Variants in PDE4A observed in about 807,000 individuals in gnomAD.
The protein encoded by PDE4A is phosphodiesterase 4A.
Under a neutral mutation model 73.9 loss-of-function variants are expected in PDE4A, and 21 were observed. The ratio of observed to expected loss-of-function variants is 0.28; its 90% confidence interval spans 0.20 to 0.41. PDE4A has a LOEUF of 0.41. Ranked by LOEUF, PDE4A falls within the 10% of genes least tolerant of loss-of-function variation. The pLI is 1.00. For missense variants in PDE4A, 958 were observed against 1,211.4 expected (o/e 0.79, Z 3.10); for synonymous variants, 463 against 505.4 (o/e 0.92, Z 1.13).
chr19:10,421,119 A>C (rs2042645728), intron 1 of PDE4A, 35 bp downstream of exon 1: 1 of 1,350,106 alleles, frequency 7.4e-7, no homozygotes, highest in South Asian at 1.8e-5. Flanking sequence ...CGCGGAACGG[A>C]TGGGCGCGCA....
rs1161298766 is a variant in PDE4A at position 10,446,415 on chromosome 19, C to A, written c.512+6C>A. 6.2e-7 allele frequency: 1 copy of A among 1,601,640 alleles called. No individual in the cohort carries two copies. The highest frequency in any genetic ancestry group is 1.3e-5 in the African/African-American group (1 of 74,678). ...TCATCGGTCACCAGCGAGGCGTGAG[C>A]ATCCTTCTCCCCACATGCCAGTTCC... is the stretch of plus-strand genomic sequence containing the variant. On this transcript the variant is annotated splice_donor_region_variant and intron_variant, in intron 2 of 14. Transcript: ENST00000380702.
chr19:10,431,020 T>A, intron 1 of PDE4A: 1 of 1,578,348 alleles, frequency 6.3e-7, no homozygotes, highest in South Asian at 1.1e-5. Context: ...TCCCCAACTT[T>A]CCGCAGACGC....
chr19:10,467,614 C>T lies in PDE4A; in HGVS notation c.2654C>T (p.Pro885Leu), dbSNP rs2043402418. 1 of 1,557,920 alleles carries T rather than the reference C, an allele frequency of 6.4e-7. No homozygotes were observed. Among genetic ancestry groups the T allele is most frequent in the Non-Finnish European group, 8.7e-7 (1 of 1,150,104 alleles). Reference protein sequence around the residue: ...APGGGGSGGDPT With the variant: ...APGGGGSGGDLT Reference sequence around the variant, plus strand: ...GGTGGCGGGGGGTCAGGTGGAGACCCTACCTGATCCCCAGACCTCTGTCCC... The same window carrying T: ...GGTGGCGGGGGGTCAGGTGGAGACCTTACCTGATCCCCAGACCTCTGTCCC... The change falls in exon 15 of 15, where the codon CCT (proline) becomes CTT (leucine). Residue 885 changes from proline (P) to leucine (L), a missense_variant. Coordinates refer to ENST00000380702, the MANE Select transcript of PDE4A (RefSeq NM_001111307.2).
rs1246402138 is a variant in PDE4A, at chr19:10,453,827, G to C, written c.784-1002G>C. On this transcript the variant is annotated intron_variant, in intron 6 of 14. Coordinates refer to ENST00000380702, the MANE Select transcript of PDE4A (RefSeq NM_001111307.2). This position sits in a 1 kb window ranked among gnomAD's most constrained non-coding sequence, Gnocchi z 4.6. ...CCTGTGATTGTGTGTGTGGTTGTGT[G>C]AGATTTTGTGGGTCCATCTTGTGTG... 6.6e-6 allele frequency among the ~76,000 whole-genome samples: 1 copy of C among 152,084 alleles called. No homozygotes were observed. Among genetic ancestry groups the C allele is most frequent in the Non-Finnish European group, 1.5e-5 (1 of 68,020 alleles).
chr19:10,420,822 C>T lies in PDE4A; in HGVS notation c.58C>T (p.Arg20Trp), dbSNP rs371454337. ...CCTGTCTCTGTCACTGCCCGGGCCC[C>T]GGGAGGGCCAGGCCACCCTGAAGCC... ...RSLSLSLPGP[R>W]EGQATLKPPP... The change falls in exon 1 of 15, where the codon CGG (arginine) becomes TGG (tryptophan). Residue 20 changes from arginine (R) to tryptophan (W), a missense_variant. Transcript: ENST00000380702. This position sits in a 1 kb window ranked among gnomAD's most constrained non-coding sequence, Gnocchi z 6.0. 1.9e-6 allele frequency: 3 copies of T among 1,587,546 alleles called. No individual in the cohort carries two copies. The highest frequency in any genetic ancestry group is 1.4e-5 in the African/African-American group (1 of 73,026).
upstream of PDE4A, chr19:10,417,664 C>T (rs747237049): frequency 3.8e-6 from 6 of 1,593,016 alleles, no homozygotes; most frequent in Admixed American, 8.4e-5. Flanking sequence ...CCCCAGAGGT[C>T]GAGGGAGACC....
chr19:10,420,615 C>T lies in PDE4A; in HGVS notation c.-150C>T. 7.7e-7 allele frequency: 1 copy of T among 1,303,408 alleles called. No individual in the cohort carries two copies. The highest frequency in any genetic ancestry group is 9.7e-7 in the Non-Finnish European group (1 of 1,031,180). The allele number at this position is 1,303,408 out of a possible 1,614,324, so 80.7% of individuals were successfully genotyped here. On this transcript the variant is annotated 5_prime_UTR_variant, in exon 1 of 15. Coordinates refer to ENST00000380702, the MANE Select transcript of PDE4A (RefSeq NM_001111307.2). This position sits in a 1 kb window ranked among gnomAD's most constrained non-coding sequence, Gnocchi z 6.0. ...GCCCGGCCCGGGGGCGATTGGCCCG[C>T]AGCGCCCCCGGGTCTGTCCCCGGGG...
At chr19:10,440,637 C>T (rs981967840) in intron 1 of PDE4A, among the ~76,000 whole-genome samples, 2 of 152,034 alleles carry the variant, frequency 1.3e-5, no homozygotes, top group Non-Finnish European at 2.9e-5. Flanking sequence ...CTCGCTCTGT[C>T]ATCCAGGCTG....
At position 10,463,729 on chromosome 19, in the gene PDE4A, G is replaced by A. The variant is rs2043315396; in HGVS notation, c.1744-64G>A. ...ATTTCTTAAAAAAGAAGGAATGCCT[G>A]AGGTCTCAGACTGGGACACAGGCAT... is the stretch of plus-strand genomic sequence containing the variant. On this transcript the variant is annotated intron_variant, in intron 13 of 14. Transcript: ENST00000380702. 4.8e-5 allele frequency: 77 copies of A among 1,591,510 alleles called. 1 individual carries two copies. In the South Asian group the frequency reaches 8.3e-4, roughly 17 times the overall value.
chr19:10,421,458 C>A, intron 1 of PDE4A: 1 of 520,850 alleles, frequency 1.9e-6, no homozygotes, highest in Non-Finnish European at 2.5e-6. Flanking sequence ...GCTAGATTCG[C>A]AGTGTTTGGG....
At chr19:10,427,438 G>A (rs189839053) in intron 1 of PDE4A, 2 of 963,260 alleles carry the variant, frequency 2.1e-6, no homozygotes, top group South Asian at 4.8e-5. Context: ...GGCAGAGTGA[G>A]CGAGGAGGCA....
rs147599564 is a variant in PDE4A, at chr19:10,423,040, C to T, written c.320+1956C>T. 2.8e-4 allele frequency: 261 copies of T among 919,036 alleles called. 1 individual carries two copies. In the African/African-American group the frequency reaches 4.3e-3, roughly 15 times the overall value. The allele number at this position is 919,036 out of a possible 1,614,324, so 56.9% of individuals were successfully genotyped here. On this transcript the variant is annotated intron_variant, in intron 1 of 14. Transcript: ENST00000380702. Reference sequence around the variant, plus strand: ...ATCCATCTCGCAATGGCTCACCCTCCGGCTCCATGCCAGGGACTTTTCCAT... The same window carrying T: ...ATCCATCTCGCAATGGCTCACCCTCTGGCTCCATGCCAGGGACTTTTCCAT...
rs756948802 is a variant in PDE4A at position 10,467,418 on chromosome 19, C to T, written c.2458C>T (p.Leu820Phe). 6.2e-7 allele frequency: 1 copy of T among 1,613,972 alleles called. No homozygotes were observed. The highest frequency in any genetic ancestry group is 8.5e-7 in the Non-Finnish European group (1 of 1,179,880). ...SPSALALQSP[L>F]LPAWRTLSVS... is the part of the protein sequence containing the mutation. ...CTCTGCCCTGGCTCTTCAAAGCCCC[C>T]TTCTCCCTGCTTGGAGGACCCTGTC... The change falls in exon 15 of 15, where the codon CTT becomes TTT. Residue 820 changes from leucine to phenylalanine, a missense_variant. Leu to Phe is a conservative substitution (Grantham distance 22). Around this residue, in one of 3 missense-constraint regions of PDE4A, gnomAD observed 243 missense variants for 245.9 expected, o/e 0.99. Coordinates refer to ENST00000380702, the MANE Select transcript of PDE4A (RefSeq NM_001111307.2).
intron 1 of PDE4A, chr19:10,423,205 C>T: frequency 5.8e-6 from 5 of 864,778 alleles, no homozygotes; most frequent in Non-Finnish European, 6.8e-6. Context: ...GTCACCCAGG[C>T]TGGAGTGCAG....
At chr19:10,448,240 C>T (rs930169533) in intron 2 of PDE4A, among the ~76,000 whole-genome samples, 2 of 151,802 alleles carry the variant, frequency 1.3e-5, no homozygotes, top group African/African-American at 4.8e-5. Flanking sequence ...GCTGAGACTA[C>T]AGGCGTGCGT....
intron 14 of PDE4A, among the ~76,000 whole-genome samples, chr19:10,466,626 C>G (rs1438010228): frequency 6.6e-6 from 1 of 151,854 alleles, no homozygotes; most frequent in African/African-American, 2.4e-5. Flanking sequence ...TCCCAAGTAG[C>G]TGAACTACAG....
At chr19:10,417,041 G>T, upstream of PDE4A, 1 of 1,530,106 alleles carries the variant, frequency 6.5e-7, no homozygotes, top group South Asian at 1.2e-5. Flanking sequence ...CCTTGGGGGA[G>T]ACTAGCGCCC....
intron 13 of PDE4A, among the ~76,000 whole-genome samples, chr19:10,462,785 C>T (rs1012911755): frequency 2.0e-5 from 3 of 152,150 alleles, no homozygotes; most frequent in Non-Finnish European, 4.4e-5. Context: ...CCTCACCCCC[C>T]TTCCGACTCC....
chr19:10,426,593 G>A (rs1010675503), intron 1 of PDE4A, among the ~76,000 whole-genome samples: 4 of 152,190 alleles, frequency 2.6e-5, no homozygotes, highest in Middle Eastern at 3.4e-3. Flanking sequence ...GTAAAGGGCT[G>A]GGTGCGGTGG....
Sources: gnomAD v4.1 joint callset for allele counts (sites outside exome capture counted in the v4.1 genomes callset) on GRCh38, gnomAD v4.1.1 for gene constraint, gnomAD v4.1.1 regional missense constraint, Gnocchi (gnomAD v3.1) non-coding constraint, MANE v1.5 for transcripts, NCBI Gene and HGNC (gene_info 2026-07-23, HGNC 2026-07-21) for gene names.